Variants in DSG2 observed in about 807,000 individuals in gnomAD.
The protein encoded by DSG2 is desmoglein 2.
A neutral mutation model predicts 75.6 loss-of-function variants in DSG2; 45 were observed. The observed-to-expected ratio is 0.60, with a 90% CI of 0.47 to 0.76. The LOEUF (loss-of-function observed/expected upper bound fraction) is 0.76. DSG2 is among the 30% of genes least tolerant of loss of function. The probability of loss-of-function intolerance (pLI) is 0.00; values close to 1 mark genes in which losing one functional copy is unlikely to be tolerated. For missense variants in DSG2, 1,267 were observed against 1,357.4 expected (o/e 0.93, Z 1.05); for synonymous variants, 429 against 483.9 (o/e 0.89, Z 1.49).
chr18:31,546,015 A>T lies in DSG2; in HGVS notation c.2629A>T (p.Asn877Tyr). 1 of 1,614,226 alleles carries T rather than the reference A, an allele frequency of 6.2e-7. No individual in the cohort carries two copies. The highest frequency in any genetic ancestry group is 1.1e-5 in the South Asian group (1 of 91,086). The change falls in exon 15 of 15, where the codon AAT becomes TAT. Residue 877 changes from asparagine to tyrosine, a missense_variant. By Grantham distance (143) the Asn-to-Tyr change is moderately radical (BLOSUM62 -2). Transcript: ENST00000261590. The part of the protein sequence containing the change: ...SHSLCEQTMV[N>Y]SENTYSSGSS... Reference sequence around the variant, plus strand: ...TTCACTCTGTGAGCAAACTATGGTTAATTCAGAGAATACCTACTCCTCTGG... The same window carrying T: ...TTCACTCTGTGAGCAAACTATGGTTTATTCAGAGAATACCTACTCCTCTGG...
At chr18:31,523,955 A>T (rs1412498781) in intron 6 of DSG2, among the ~76,000 whole-genome samples, 1 of 152,196 alleles carries the variant, frequency 6.6e-6, no homozygotes, top group Admixed American at 6.5e-5. Flanking sequence ...TAGTAAGGGG[A>T]CCTCATGGAA....
intron 1 of DSG2, among the ~76,000 whole-genome samples, chr18:31,514,421 A>G (rs1268168799): frequency 6.6e-6 from 1 of 152,220 alleles, no homozygotes; most frequent in Non-Finnish European, 1.5e-5. Context: ...AGTGATTTTA[A>G]TGTTAAAAAT....
At chr18:31,498,341 G>A in intron 1 of DSG2, 45 bp downstream of exon 1, 1 of 1,250,698 alleles carries the variant, frequency 8.0e-7, no homozygotes, top group Non-Finnish European at 1.0e-6. Flanking sequence ...CGGGGAGGGC[G>A]TCGGTAGGCG....
At chr18:31,499,020 G>A (rs2073000053) in intron 1 of DSG2, among the ~76,000 whole-genome samples, 1 of 139,838 alleles carries the variant, frequency 7.2e-6, no homozygotes. Flanking sequence ...CCTCACTCCC[G>A]GAAACGACGT....
chr18:31,524,988 C>A, intron 8 of DSG2, 100 bp downstream of exon 8: 1 of 1,108,126 alleles, frequency 9.0e-7, no homozygotes, highest in Non-Finnish European at 1.4e-6. Context: ...TTTACATATT[C>A]AATTAACTAG....
chr18:31,535,835 G>GT, intron 10 of DSG2, among the ~76,000 whole-genome samples: 1 of 151,710 alleles, frequency 6.6e-6, no homozygotes, highest in South Asian at 2.1e-4. Context: ...TGTAGTCCCA[G>GT]CTACTCAGGC....
rs948475406 is a variant in DSG2 at position 31,523,043 on chromosome 18, A to G, written c.690+794A>G. ...GTACAAGAGTAAAATGTGGTTGATC[A>G]TAAAGTACACTCTTTGTCATCAGAT... is the stretch of plus-strand genomic sequence containing the variant. On this transcript the variant is annotated intron_variant, in intron 6 of 14. Transcript: ENST00000261590. Among the ~76,000 whole-genome samples the G allele has an allele frequency of 1.1e-4, 17 of 152,232 alleles. 1 individual carries two copies. Among genetic ancestry groups the G allele is most frequent in the Non-Finnish European group, 1.5e-5 (1 of 68,036 alleles).
chr18:31,514,687 C>T (rs1038193270), intron 1 of DSG2, among the ~76,000 whole-genome samples: 3 of 152,232 alleles, frequency 2.0e-5, no homozygotes, highest in African/African-American at 7.2e-5. Flanking sequence ...AGGCTGACCT[C>T]TAGACCTACT....
chr18:31,519,612 G>C (rs1293098908), intron 2 of DSG2, among the ~76,000 whole-genome samples, 191 bp from the exon 3 acceptor site: 1 of 152,098 alleles, frequency 6.6e-6, no homozygotes, highest in African/African-American at 2.4e-5. Context: ...CTAGCTTGGA[G>C]ACAATCTCTT....
At chr18:31,543,516 G>A (rs1289518301) in intron 14 of DSG2, 2 of 152,342 alleles carry the variant, frequency 1.3e-5, no homozygotes, top group East Asian at 3.9e-4. Context: ...ATGATCAGAT[G>A]CAATAAGGAA....
In DSG2 at chr18:31,546,070, A is replaced by C; in HGVS notation, c.2684A>C (p.Gln895Pro). ...AGCTTCCCAGTTCCAAAATCTTTGC[A>C]AGAAGCCAATGCAGAGAAAGTAACT... Reference protein sequence around the residue: ...GSSFPVPKSLQEANAEKVTQE... With the variant: ...GSSFPVPKSLPEANAEKVTQE... The change falls in exon 15 of 15, where the codon CAA becomes CCA. Residue 895 changes from glutamine to proline, a missense_variant. By Grantham distance (76) the Gln-to-Pro change is moderately conservative. Coordinates refer to ENST00000261590, the MANE Select transcript of DSG2 (RefSeq NM_001943.5). 1 of 1,614,212 alleles carries C rather than the reference A, an allele frequency of 6.2e-7. No homozygotes were observed. Among genetic ancestry groups the C allele is most frequent in the Non-Finnish European group, 8.5e-7 (1 of 1,180,034 alleles).
intron 1 of DSG2, among the ~76,000 whole-genome samples, chr18:31,510,759 G>T (rs1006174817): frequency 9.2e-5 from 14 of 152,052 alleles, no homozygotes; most frequent in Non-Finnish European, 1.9e-4. Flanking sequence ...GAATTTTTTG[G>T]TTCATCTGAA....
At chr18:31,541,390 G>A (rs2073267186) in intron 13 of DSG2, 76 bp downstream of exon 13, 1 of 1,561,478 alleles carries the variant, frequency 6.4e-7, no homozygotes, top group East Asian at 2.3e-5. Context: ...TTTCTTACAT[G>A]TTTGGTTGAG....
intron 8 of DSG2, among the ~76,000 whole-genome samples, chr18:31,528,875 T>C (rs1254511826): frequency 1.3e-5 from 2 of 152,118 alleles, no homozygotes; most frequent in Non-Finnish European, 2.9e-5. Flanking sequence ...GAGTGGGGAC[T>C]GACTACAAAC....
intron 8 of DSG2, among the ~76,000 whole-genome samples, chr18:31,525,186 A>G (rs2073156280): frequency 6.6e-6 from 1 of 152,118 alleles, no homozygotes; most frequent in Non-Finnish European, 1.5e-5. Context: ...TCACATTCTC[A>G]CATCACAATC....
chr18:31,541,932 C>A (rs2073270719), intron 13 of DSG2, among the ~76,000 whole-genome samples: 1 of 152,164 alleles, frequency 6.6e-6, no homozygotes, highest in African/African-American at 2.4e-5. Context: ...TTCCCTCTTC[C>A]TTGTTTTTCT....
intron 1 of DSG2, among the ~76,000 whole-genome samples, chr18:31,503,133 G>A (rs1598801589): frequency 6.6e-6 from 1 of 152,270 alleles, no homozygotes; most frequent in African/African-American, 2.4e-5. Flanking sequence ...CCTGCTTGAT[G>A]CTAGGCAATG....
rs768593232 is a variant in DSG2 at position 31,518,152 on chromosome 18, T to A, written c.46-87T>A. The A allele has an allele frequency of 7.4e-5, 79 of 1,065,142 alleles. 1 individual carries two copies. Among genetic ancestry groups the A allele is most frequent in the Middle Eastern group, 7.1e-4 (3 of 4,198 alleles). 66.0% of individuals were successfully genotyped at this position (1,065,142 alleles called of 1,614,324 possible). A position where few individuals can be genotyped will look rare whatever the true frequency, so the allele number is the denominator to read the frequency against. ...TTAAACTTTTTTTATGTCTATAATA[T>A]TCAATGCAGTAGGTTATTCATGAAC... On this transcript the variant is annotated intron_variant, in intron 1 of 14. Transcript: ENST00000261590.
At chr18:31,519,751 T>A (rs2073116138) in intron 2 of DSG2, 52 bp from the exon 3 acceptor site, 2 of 1,580,758 alleles carry the variant, frequency 1.3e-6, no homozygotes. Flanking sequence ...AGCATACTAA[T>A]GTTCTATATT....
Sources: allele counts gnomAD v4.1 joint callset (sites outside exome capture counted in the v4.1 genomes callset), GRCh38; gene constraint gnomAD v4.1.1; transcripts MANE v1.5; gene names NCBI Gene and HGNC (gene_info 2026-07-23, HGNC 2026-07-21).